The following RAPGEF4 variants were observed in gnomAD, a reference collection of about 807,000 sequenced individuals.
RAPGEF4 encodes Rap guanine nucleotide exchange factor 4.
Under a neutral mutation model 147.9 loss-of-function variants are expected in RAPGEF4, and 66 were observed. The observed-to-expected ratio is 0.45, with a 90% CI of 0.37 to 0.55. RAPGEF4 has a LOEUF of 0.55. Ranked by LOEUF, RAPGEF4 falls within the 20% of genes least tolerant of loss-of-function variation. The pLI is 0.00. For missense variants in RAPGEF4, 1,071 were observed against 1,257.3 expected, an observed-to-expected ratio of 0.85 and a Z score of 2.24; for synonymous variants, 419 against 442.7, an observed-to-expected ratio of 0.95 and a Z score of 0.67.
rs530510480 is a variant in RAPGEF4 at position 172,805,692 on chromosome 2, G to A, written c.297+8079G>A. On this transcript the variant is annotated intron_variant, in intron 3 of 30. Coordinates refer to ENST00000397081, the MANE Select transcript of RAPGEF4 (RefSeq NM_007023.4). Reference sequence around the variant, plus strand: ...TATCAAGGATTAATCCTTCCATTTCGCCAATAATATCTGTCCCCACCTTCA... The same window carrying A: ...TATCAAGGATTAATCCTTCCATTTCACCAATAATATCTGTCCCCACCTTCA... 5.3e-5 allele frequency among the ~76,000 whole-genome samples: 8 copies of A among 152,132 alleles called. No homozygotes were observed. The South Asian group carries it at 6.2e-4, about 12-fold the overall frequency.
intron 22 of RAPGEF4, among the ~76,000 whole-genome samples, chr2:173,020,312 G>C (rs1165313938): frequency 3.4e-5 from 2 of 58,776 alleles, no homozygotes; most frequent in South Asian, 1.0e-3. Flanking sequence ...AACATAACTT[G>C]TGAGATAAAT....
chr2:172,821,198 G>A (rs1403151668), intron 4 of RAPGEF4, among the ~76,000 whole-genome samples: 1 of 152,180 alleles, frequency 6.6e-6, no homozygotes, highest in East Asian at 1.9e-4. Flanking sequence ...ACAATTTCAG[G>A]TTGTTTCACT....
chr2:172,801,498 G>A (rs562713689), intron 3 of RAPGEF4, among the ~76,000 whole-genome samples: 134 of 152,234 alleles, frequency 8.8e-4, no homozygotes, highest in African/African-American at 2.9e-3. Flanking sequence ...GAAGAAGAGC[G>A]GGAGTGGCTG....
At chr2:172,793,031 G>A (rs1257508114) in intron 1 of RAPGEF4, among the ~76,000 whole-genome samples, 1 of 152,174 alleles carries the variant, frequency 6.6e-6, no homozygotes, top group African/African-American at 2.4e-5. Context: ...ATCAAGGTGT[G>A]GGAGGCACAT....
At chr2:172,930,255 G>A (rs1334270469) in intron 6 of RAPGEF4, among the ~76,000 whole-genome samples, 3 of 152,144 alleles carry the variant, frequency 2.0e-5, no homozygotes, top group Non-Finnish European at 4.4e-5. Context: ...CCCTTTCAAA[G>A]TTATAAAAAC....
intron 4 of RAPGEF4, among the ~76,000 whole-genome samples, chr2:172,901,410 C>G (rs990610576): frequency 1.3e-5 from 2 of 152,240 alleles, no homozygotes. Context: ...AAGAACATCA[C>G]AGAGAGATTT....
At chr2:172,972,918 G>A (rs1484348237) in intron 10 of RAPGEF4, among the ~76,000 whole-genome samples, 1 of 152,082 alleles carries the variant, frequency 6.6e-6, no homozygotes, top group Admixed American at 6.5e-5. Flanking sequence ...ACATTTTGGT[G>A]CCTATCCCTT....
At chr2:172,753,161 C>G (rs1323436408) in intron 1 of RAPGEF4, among the ~76,000 whole-genome samples, 1 of 151,684 alleles carries the variant, frequency 6.6e-6, no homozygotes, top group Non-Finnish European at 1.5e-5. Flanking sequence ...CATTACTTAG[C>G]CCTAGTATTG....
At chr2:173,038,639 C>T (rs1440707938) in intron 29 of RAPGEF4, among the ~76,000 whole-genome samples, 5 of 152,110 alleles carry the variant, frequency 3.3e-5, no homozygotes, top group African/African-American at 1.2e-4. Flanking sequence ...CTAGTGCATG[C>T]AGGGCTTAAA....
intron 1 of RAPGEF4, among the ~76,000 whole-genome samples, chr2:172,772,993 A>G (rs1683780384): frequency 6.6e-6 from 1 of 152,220 alleles, no homozygotes; most frequent in South Asian, 2.1e-4. Context: ...AAAACTCATT[A>G]GGTCCACTTC....
intron 30 of RAPGEF4, among the ~76,000 whole-genome samples, chr2:173,050,296 A>G (rs932420104): frequency 2.6e-5 from 4 of 152,228 alleles, no homozygotes; most frequent in Admixed American, 2.6e-4. Context: ...GTACACTGCC[A>G]GTGAGAAGCA....
At chr2:172,860,180 G>T in intron 4 of RAPGEF4, 1 of 849,496 alleles carries the variant, frequency 1.2e-6, no homozygotes, top group African/African-American at 4.1e-5. Context: ...GAAGCTGATT[G>T]CAACTTGACC....
At position 172,981,455 on chromosome 2, in the gene RAPGEF4, G is replaced by A. The variant is rs1691676610; in HGVS notation, c.1005-2041G>A. Among the ~76,000 whole-genome samples the A allele has an allele frequency of 4.6e-5, 7 of 152,308 alleles. No individual in the cohort carries two copies. The Middle Eastern group carries it at 0.014, about 296-fold the overall frequency. ...GGCCTGGCTCCTTTAGAGCCCCTGT[G>A]GCCACAGCTTTTCTTCAGCATCTTT... On this transcript the variant is annotated intron_variant, in intron 10 of 30. Transcript: ENST00000397081.
intron 1 of RAPGEF4, among the ~76,000 whole-genome samples, chr2:172,743,321 C>T (rs1374599620): frequency 2.0e-5 from 3 of 152,112 alleles, no homozygotes; most frequent in African/African-American, 7.2e-5. Context: ...CGAGCGGAGG[C>T]GGACAATCCT....
At chr2:172,849,165 A>T (rs183187763) in intron 4 of RAPGEF4, among the ~76,000 whole-genome samples, 17 of 150,888 alleles carry the variant, frequency 1.1e-4, no homozygotes, top group African/African-American at 3.9e-4. Context: ...TCTCTGATTT[A>T]TTGATTTTAT....
intron 3 of RAPGEF4, 55 bp from the exon 4 acceptor site, chr2:172,814,224 A>G (rs1273137855): frequency 1.3e-5 from 20 of 1,574,448 alleles, no homozygotes; most frequent in Non-Finnish European, 1.6e-5. Flanking sequence ...AGAAAAGAAA[A>G]CACCTACCCA....
chr2:172,882,288 G>A (rs1303249301), intron 4 of RAPGEF4, among the ~76,000 whole-genome samples: 3 of 152,152 alleles, frequency 2.0e-5, no homozygotes, highest in African/African-American at 7.2e-5. Context: ...GTATCTGCCT[G>A]AAATGAATTC....
intron 17 of RAPGEF4, among the ~76,000 whole-genome samples, chr2:173,010,691 T>G (rs557061716): frequency 1.2e-4 from 19 of 152,328 alleles, no homozygotes; most frequent in Middle Eastern, 3.4e-3. Context: ...ACAAACTTTC[T>G]AAAAGCCTGG....
At chr2:172,850,973 T>C (rs1692749387) in intron 4 of RAPGEF4, among the ~76,000 whole-genome samples, 1 of 152,192 alleles carries the variant, frequency 6.6e-6, no homozygotes, top group Admixed American at 6.5e-5. Context: ...TTATTTCTTG[T>C]CTTATGCTAG....
Sources: allele counts gnomAD v4.1 joint callset (sites outside exome capture counted in the v4.1 genomes callset), GRCh38; gene constraint gnomAD v4.1.1; transcripts MANE v1.5; gene names NCBI Gene and HGNC (gene_info 2026-07-23, HGNC 2026-07-21).